LRRC4C: variants seen among roughly 807,000 people sequenced by gnomAD.
LRRC4C encodes the protein leucine rich repeat containing 4C.
In LRRC4C, 5 loss-of-function variants were observed where a neutral mutation model predicts 33.6. The ratio of observed to expected loss-of-function variants is 0.15; its 90% CI spans 0.08 to 0.31. The LOEUF (loss-of-function observed/expected upper bound fraction) is 0.31, where lower values mean the gene tolerates loss of function less well. LRRC4C is among the 10% of genes least tolerant of loss of function. The pLI is 1.00. For missense variants in LRRC4C, 560 were observed against 796.7 expected (o/e 0.70, Z 3.58); for synonymous variants, 329 against 302.0 (o/e 1.09, Z -0.93).
intron 2 of LRRC4C, among the ~76,000 whole-genome samples, chr11:40,908,373 A>C (rs2136241180): frequency 6.6e-6 from 1 of 152,274 alleles, no homozygotes; most frequent in South Asian, 2.1e-4. Flanking sequence ...CTAGTTAAGC[A>C]AAAAAGTCCA....
Position 41,297,495 on chromosome 11 carries a change from AG to A in LRRC4C, c.-496+161935del, listed in dbSNP as rs535968154. Among the ~76,000 whole-genome samples, 26 of 152,316 alleles carry A rather than the reference AG, an allele frequency of 1.7e-4. No homozygotes were observed. The East Asian group carries it at 4.8e-3, about 28-fold the overall frequency. Reference sequence around the variant, plus strand: ...AGAATAAAAGAAATAAAGTTAATGAAGAAGAGGGTGGAACAAGTAGAAGTCA... The same window carrying A: ...AGAATAAAAGAAATAAAGTTAATGAAAAGAGGGTGGAACAAGTAGAAGTCA... On this transcript the variant is annotated intron_variant, in intron 1 of 6. Coordinates refer to ENST00000528697, the MANE Select transcript of LRRC4C (RefSeq NM_001258419.2).
chr11:40,309,070 A>G (rs1945176662), intron 4 of LRRC4C, among the ~76,000 whole-genome samples: 1 of 152,216 alleles, frequency 6.6e-6, no homozygotes, highest in Non-Finnish European at 1.5e-5. Context: ...ACACCAGTAC[A>G]GGCTGTATTG....
intron 1 of LRRC4C, among the ~76,000 whole-genome samples, chr11:41,056,012 G>A (rs891097784): frequency 2.0e-5 from 3 of 152,126 alleles, no homozygotes; most frequent in Non-Finnish European, 4.4e-5. Context: ...GCATTAAGAA[G>A]TGTTAGTTAC....
intron 1 of LRRC4C, among the ~76,000 whole-genome samples, chr11:41,063,128 T>C (rs2135377469): frequency 1.3e-5 from 2 of 152,274 alleles, no homozygotes; most frequent in South Asian, 4.1e-4. Context: ...ATGAAGTGAA[T>C]AAATTTTTGG....
At chr11:40,183,616 T>A (rs72889323) in intron 5 of LRRC4C, among the ~76,000 whole-genome samples, 3,415 of 152,356 alleles carry the variant, frequency 0.022, 78 homozygotes, top group Non-Finnish European at 0.029. Context: ...CAAGCTAGGA[T>A]AATGATCTCA....
chr11:40,226,263 G>T (rs1488679217), intron 5 of LRRC4C, among the ~76,000 whole-genome samples: 4 of 152,154 alleles, frequency 2.6e-5, no homozygotes, highest in African/African-American at 9.7e-5. Flanking sequence ...ACAATGATAA[G>T]CTAGATCAGT....
chr11:41,135,840 A>T (rs1369323535), intron 1 of LRRC4C, among the ~76,000 whole-genome samples: 1 of 152,182 alleles, frequency 6.6e-6, no homozygotes, highest in Non-Finnish European at 1.5e-5. Flanking sequence ...CAGAGATAGG[A>T]CCATTTTTAT....
intron 1 of LRRC4C, among the ~76,000 whole-genome samples, chr11:41,252,085 G>A (rs778288190): frequency 9.2e-5 from 14 of 152,030 alleles, no homozygotes; most frequent in South Asian, 2.1e-4. Context: ...AAGTAAGAAG[G>A]CACTACATGG....
At chr11:40,487,473 T>C (rs1412554253) in intron 3 of LRRC4C, among the ~76,000 whole-genome samples, 1 of 152,070 alleles carries the variant, frequency 6.6e-6, no homozygotes, top group Non-Finnish European at 1.5e-5. Flanking sequence ...ATTGAATCAA[T>C]ACTTTTGAAA....
Position 40,961,137 on chromosome 11 carries a change from T to C in LRRC4C, c.-495-27414A>G, listed in dbSNP as rs1246975186. 2.0e-5 allele frequency among the ~76,000 whole-genome samples: 3 copies of C among 151,798 alleles called. No individual in the cohort carries two copies. In the East Asian group the frequency reaches 5.8e-4, roughly 30 times the overall value. ...GATGAACAGGAAATTTGGAAAAGGT[T>C]CAGCTGTATAAGTTATTACAAATCT... On this transcript the variant is annotated intron_variant, in intron 1 of 6. Coordinates refer to ENST00000528697, the MANE Select transcript of LRRC4C (RefSeq NM_001258419.2).
chr11:40,997,315 G>A (rs1476194658), intron 1 of LRRC4C, among the ~76,000 whole-genome samples: 1 of 151,986 alleles, frequency 6.6e-6, no homozygotes, highest in East Asian at 1.9e-4. Flanking sequence ...GACAGTAAAG[G>A]GACATAACCA....
At chr11:40,455,628 A>G (rs1952095166) in intron 3 of LRRC4C, among the ~76,000 whole-genome samples, 1 of 152,140 alleles carries the variant, frequency 6.6e-6, no homozygotes, top group Admixed American at 6.6e-5. Flanking sequence ...CCAATGACAG[A>G]GAGAAAAAGG....
chr11:40,460,184 T>A lies in LRRC4C; in HGVS notation c.-269-140463A>T, dbSNP rs533240648. Among the ~76,000 whole-genome samples, 103 of 152,038 alleles carry A rather than the reference T, an allele frequency of 6.8e-4. 1 individual carries two copies. Among genetic ancestry groups the A allele is most frequent in the Non-Finnish European group, 1.2e-3 (83 of 68,000 alleles). On this transcript the variant is annotated intron_variant, in intron 3 of 6. Coordinates refer to ENST00000528697, the MANE Select transcript of LRRC4C (RefSeq NM_001258419.2). The stretch of plus-strand genomic sequence containing the variant: ...ACCAACTCCAGCCACTTAAATTGAG[T>A]TTTCCTTTATATTATATTATTTGAG...
chr11:40,219,651 A>T (rs1225853039), intron 5 of LRRC4C, among the ~76,000 whole-genome samples: 1 of 152,090 alleles, frequency 6.6e-6, no homozygotes, highest in Non-Finnish European at 1.5e-5. Flanking sequence ...AATGTTGCAC[A>T]ATCTCACATG....
intron 4 of LRRC4C, among the ~76,000 whole-genome samples, chr11:40,272,812 A>G (rs1942806325): frequency 6.6e-6 from 1 of 152,124 alleles, no homozygotes; most frequent in Non-Finnish European, 1.5e-5. Flanking sequence ...CTATGTGAAC[A>G]GAGTGTAAAC....
intron 3 of LRRC4C, among the ~76,000 whole-genome samples, chr11:40,422,625 A>G (rs1451267338): frequency 6.6e-6 from 1 of 152,130 alleles, no homozygotes; most frequent in Non-Finnish European, 1.5e-5. Flanking sequence ...CCCAAGTTCT[A>G]CGAAAACTGT....
chr11:40,353,707 C>T (rs1478719091), intron 3 of LRRC4C, among the ~76,000 whole-genome samples: 1 of 152,166 alleles, frequency 6.6e-6, no homozygotes, highest in Non-Finnish European at 1.5e-5. Flanking sequence ...CAGCGAGACT[C>T]TGTCTCAAGA....
At chr11:40,579,569 C>T (rs986938759) in intron 3 of LRRC4C, among the ~76,000 whole-genome samples, 2 of 152,072 alleles carry the variant, frequency 1.3e-5, no homozygotes, top group Non-Finnish European at 2.9e-5. Flanking sequence ...TAGAGCTTTG[C>T]AATCATTACC....
Position 40,293,290 on chromosome 11 carries a change from CT to C in LRRC4C, c.-176+26337del, listed in dbSNP as rs1212777989. 559 of 146,788 alleles carry C rather than the reference CT, an allele frequency of 3.8e-3. 3 individuals carry two copies. The highest frequency in any genetic ancestry group is 4.7e-3 in the Non-Finnish European group (314 of 66,254). The allele number at this position is 146,788 out of a possible 1,614,324, so 9.1% of individuals were successfully genotyped here. Reference sequence around the variant, plus strand: ...AAGAAACCCATTCCTCCCCCCGCTACTTTTTTTTTTTCTTTTTAAGGCTCGG... The same window carrying C: ...AAGAAACCCATTCCTCCCCCCGCTACTTTTTTTTTTCTTTTTAAGGCTCGG... On this transcript the variant is annotated intron_variant, in intron 4 of 6. Coordinates refer to ENST00000528697, the MANE Select transcript of LRRC4C (RefSeq NM_001258419.2).
Sources: gnomAD v4.1 joint callset for allele counts (sites outside exome capture counted in the v4.1 genomes callset) on GRCh38, gnomAD v4.1.1 for gene constraint, MANE v1.5 for transcripts, NCBI Gene and HGNC (gene_info 2026-07-23, HGNC 2026-07-21) for gene names.